INSM2: variants seen among roughly 807,000 people sequenced by gnomAD.
INSM2 encodes the protein insulinoma-associated protein 2.
INSM2 carries 12 observed loss-of-function variants against 30.5 expected under a neutral mutation model. The observed-to-expected ratio is 0.39, with a 90% CI of 0.25 to 0.64. The LOEUF is 0.64. INSM2 is among the 30% of genes least tolerant of loss of function. The pLI is 0.47. For missense variants in INSM2, 773 were observed against 819.2 expected (o/e 0.94, Z 0.69); for synonymous variants, 418 against 383.7 (o/e 1.09, Z -1.05).
At position 35,534,271 on chromosome 14, in the gene INSM2, G is replaced by C; in HGVS notation, c.19G>C (p.Val7Leu). 6.3e-7 allele frequency: 1 copy of C among 1,596,682 alleles called. No homozygotes were observed. Among genetic ancestry groups the C allele is most frequent in the Non-Finnish European group, 8.5e-7 (1 of 1,172,320 alleles). Residue 7 changes from valine to leucine, a missense_variant, in exon 1 of 1, where the codon GTG (valine) becomes CTG (leucine). Transcript: ENST00000307169. Reference sequence around the variant, plus strand: ...CTCCACCATGCCAAGGGGATTCCTGGTGAAGCGAACTAAACGGACAGGCGG... The same window carrying C: ...CTCCACCATGCCAAGGGGATTCCTGCTGAAGCGAACTAAACGGACAGGCGG... MPRGFL[V>L]KRTKRTGGLY... is the part of the protein sequence containing the mutation.
In INSM2 at chr14:35,535,671, A is replaced by G. The variant is rs754083126; in HGVS notation, c.1419A>G (p.Pro473=). The G allele has an allele frequency of 1.2e-6, 2 of 1,613,240 alleles. No homozygotes were observed. The highest frequency in any genetic ancestry group is 1.1e-5 in the South Asian group (1 of 91,084). The change falls in exon 1 of 1, where the codon CCA becomes CCG. Residue 473 remains proline, a synonymous_variant. Transcript: ENST00000307169. ...ERGAPLAFAC[P]LCGAHFPTAD... ...GTGCCCCACTTGCCTTCGCTTGCCC[A>G]TTGTGCGGAGCGCACTTCCCTACAG...
In INSM2 at chr14:35,534,930, C is replaced by A; in HGVS notation, c.678C>A (p.Ser226Arg). 1 of 1,592,200 alleles carries A rather than the reference C, an allele frequency of 6.3e-7. No homozygotes were observed. ...IKKPKAMRKL[S>R]FADEVTTSPV... is the part of the protein sequence containing the mutation. ...AGCCAAAGGCCATGAGGAAGTTGAG[C>A]TTTGCCGATGAGGTGACCACATCCC... Residue 226 changes from serine to arginine, a missense_variant, in exon 1 of 1, where the codon AGC becomes AGA. Physicochemically the swap from Ser to Arg is moderately radical, Grantham distance 110. Coordinates refer to ENST00000307169, the MANE Select transcript of INSM2 (RefSeq NM_032594.4).
rs2053596180 is a variant in INSM2, at chr14:35,535,917, G to A, written c.1665G>A (p.Val555=). 6.2e-7 allele frequency: 1 copy of A among 1,611,886 alleles called. No homozygotes were observed. Among genetic ancestry groups the A allele is most frequent in the Non-Finnish European group, 8.5e-7 (1 of 1,179,244 alleles). The change falls in exon 1 of 1, where the codon GTG becomes GTA. Residue 555 remains valine (V), a synonymous_variant. Coordinates refer to ENST00000307169, the MANE Select transcript of INSM2 (RefSeq NM_032594.4). The part of the protein sequence containing the change: ...NKCHPSESRQ[V]LLLQMPLRPG... ...GCCACCCCTCAGAAAGCCGGCAAGTGCTGCTGCTGCAGATGCCACTGCGGC... is the reference window on the plus strand; with the variant it reads ...GCCACCCCTCAGAAAGCCGGCAAGTACTGCTGCTGCAGATGCCACTGCGGC...
Position 35,535,164 on chromosome 14 carries a change from G to C in INSM2, c.912G>C (p.Ala304=). 1 of 1,612,644 alleles carries C rather than the reference G, an allele frequency of 6.2e-7. No homozygotes were observed. The highest frequency in any genetic ancestry group is 8.5e-7 in the Non-Finnish European group (1 of 1,179,736). Residue 304 remains alanine (A), a synonymous_variant, in exon 1 of 1, where the codon GCG becomes GCC. Transcript: ENST00000307169. ...GCGACAAGGTGTTCAGCTGTCCTGC[G>C]AACCTGGCCTCCCATCGCCGCTGGC... The part of the protein sequence containing the change: ...PECDKVFSCP[A]NLASHRRWHK...
At position 35,535,352 on chromosome 14, in the gene INSM2, C is replaced by T. The variant is rs2053589587; in HGVS notation, c.1100C>T (p.Pro367Leu). 6.2e-7 allele frequency: 1 copy of T among 1,610,558 alleles called. No individual in the cohort carries two copies. The highest frequency in any genetic ancestry group is 8.5e-7 in the Non-Finnish European group (1 of 1,178,502). Reference protein sequence around the residue: ...SRIERTADQHPQARDSSGADQ... With the variant: ...SRIERTADQHLQARDSSGADQ... ...ATAGAGCGGACTGCGGATCAGCACCCGCAGGCCAGGGACAGCTCCGGGGCG... is the reference window on the plus strand; with the variant it reads ...ATAGAGCGGACTGCGGATCAGCACCTGCAGGCCAGGGACAGCTCCGGGGCG... Residue 367 changes from proline (P) to leucine (L), a missense_variant, in exon 1 of 1, where the codon CCG becomes CTG. Pro to Leu is a moderately conservative substitution (Grantham distance 98, BLOSUM62 -3). Transcript: ENST00000307169.
rs1314900995 is a variant in INSM2 at position 35,534,942 on chromosome 14, G to A, written c.690G>A (p.Glu230=). 8 of 1,583,002 alleles carry A rather than the reference G, an allele frequency of 5.1e-6. No homozygotes were observed. Among genetic ancestry groups the A allele is most frequent in the South Asian group, 1.2e-5 (1 of 86,002 alleles). ...KAMRKLSFAD[E]VTTSPVLGLK... Reference sequence around the variant, plus strand: ...TGAGGAAGTTGAGCTTTGCCGATGAGGTGACCACATCCCCTGTCCTGGGCC... The same window carrying A: ...TGAGGAAGTTGAGCTTTGCCGATGAAGTGACCACATCCCCTGTCCTGGGCC... Residue 230 remains glutamate (E), a synonymous_variant, in exon 1 of 1, where the codon GAG becomes GAA. Transcript: ENST00000307169.
Position 35,535,925 on chromosome 14 carries a change from T to G in INSM2, c.1673T>G (p.Leu558Arg), listed in dbSNP as rs1448649166. The change falls in exon 1 of 1, where the codon CTG (leucine) becomes CGG (arginine). Residue 558 changes from leucine (L) to arginine (R), a missense_variant. Leu to Arg is a moderately radical substitution (Grantham distance 102). Transcript: ENST00000307169. ...HPSESRQVLL[L>R]QMPLRPGC ...TCAGAAAGCCGGCAAGTGCTGCTGC[T>G]GCAGATGCCACTGCGGCCTGGCTGC... The G allele has an allele frequency of 1.9e-6, 3 of 1,611,200 alleles. No homozygotes were observed. The highest frequency in any genetic ancestry group is 1.7e-4 in the Middle Eastern group (1 of 6,040).
At position 35,534,518 on chromosome 14, in the gene INSM2, G is replaced by A. The variant is rs1417483508; in HGVS notation, c.266G>A (p.Arg89Gln). 2.8e-6 allele frequency: 4 copies of A among 1,407,410 alleles called. No individual in the cohort carries two copies. 87.2% of individuals were successfully genotyped at this position (1,407,410 alleles called of 1,614,324 possible). Residue 89 changes from arginine (R) to glutamine (Q), a missense_variant, in exon 1 of 1, where the codon CGG (arginine) becomes CAG (glutamine). Arg to Gln is a conservative substitution (Grantham distance 43). Transcript: ENST00000307169. ...AAGVSPGTGGREGAEWRAGGR... is the reference protein window; with the variant it reads ...AAGVSPGTGGQEGAEWRAGGR... ...GGGGTGAGCCCGGGGACGGGCGGGC[G>A]GGAAGGCGCGGAGTGGCGGGCGGGT...
Position 35,534,420 on chromosome 14 carries a change from C to T in INSM2, c.168C>T (p.Thr56=). ...LPGAERATPP[T]REEPGKGLTA... The stretch of plus-strand genomic sequence containing the variant: ...GCGCGGAGCGGGCGACACCCCCCAC[C>T]CGAGAGGAACCAGGAAAGGGGTTGA... Residue 56 remains threonine (T), a synonymous_variant, in exon 1 of 1, where the codon ACC becomes ACT. Coordinates refer to ENST00000307169, the MANE Select transcript of INSM2 (RefSeq NM_032594.4). 6.7e-7 allele frequency: 1 copy of T among 1,498,496 alleles called. No homozygotes were observed. The highest frequency in any genetic ancestry group is 8.8e-7 in the Non-Finnish European group (1 of 1,131,302). The allele number at this position is 1,498,496 out of a possible 1,614,324, so 92.8% of individuals were successfully genotyped here.
rs562052303 is a variant in INSM2, at chr14:35,537,022, T to C, written c.*1069T>C. Reference sequence around the variant, plus strand: ...TGACAGAAAGCCCGTATTTGTAAGATGCTTACCACCAAATAAATGTACATA... The same window carrying C: ...TGACAGAAAGCCCGTATTTGTAAGACGCTTACCACCAAATAAATGTACATA... On this transcript the variant is annotated 3_prime_UTR_variant, in exon 1 of 1. Transcript: ENST00000307169. The C allele has an allele frequency of 7.8e-5, 13 of 166,958 alleles. No individual in the cohort carries two copies. The highest frequency in any genetic ancestry group is 1.9e-4 in the Non-Finnish European group (13 of 68,134). 10.3% of individuals were successfully genotyped at this position (166,958 alleles called of 1,614,324 possible).
Position 35,534,345 on chromosome 14 carries a change from C to T in INSM2, c.93C>T (p.Pro31=), listed in dbSNP as rs1206464147. The change falls in exon 1 of 1, where the codon CCC becomes CCT. Residue 31 remains proline (P), a synonymous_variant. Transcript: ENST00000307169. ...AGCGTGTCTTCCCTCTGCTGGGGCC[C>T]CAGGGGGCGCCGCCCTTCTTGGAGG... is the stretch of plus-strand genomic sequence containing the variant. The part of the protein sequence containing the change: ...LAERVFPLLG[P]QGAPPFLEEA... 3.3e-5 allele frequency: 52 copies of T among 1,580,118 alleles called. No homozygotes were observed. The highest frequency in any genetic ancestry group is 4.4e-5 in the Non-Finnish European group (51 of 1,165,518).
Position 35,535,336 on chromosome 14 carries a change from A to G in INSM2, c.1084A>G (p.Thr362Ala), listed in dbSNP as rs754769433. The G allele has an allele frequency of 1.2e-6, 2 of 1,610,670 alleles. No homozygotes were observed. Among genetic ancestry groups the G allele is most frequent in the South Asian group, 1.1e-5 (1 of 90,952 alleles). Residue 362 changes from threonine (T) to alanine (A), a missense_variant, in exon 1 of 1, where the codon ACT (threonine) becomes GCT (alanine). By Grantham distance (58) the Thr-to-Ala change is moderately conservative. Coordinates refer to ENST00000307169, the MANE Select transcript of INSM2 (RefSeq NM_032594.4). ...EGKENSRIER[T>A]ADQHPQARDS... Reference sequence around the variant, plus strand: ...AAAGGAGAACAGCCGAATAGAGCGGACTGCGGATCAGCACCCGCAGGCCAG... The same window carrying G: ...AAAGGAGAACAGCCGAATAGAGCGGGCTGCGGATCAGCACCCGCAGGCCAG...
At position 35,535,133 on chromosome 14, in the gene INSM2, C is replaced by T; in HGVS notation, c.881C>T (p.Pro294Leu). Residue 294 changes from proline to leucine, a missense_variant, in exon 1 of 1, where the codon CCT becomes CTT. Transcript: ENST00000307169. ...ATCGTGCGCGTAGAGTACCGCTGCC[C>T]TGAGTGCGACAAGGTGTTCAGCTGT... ...SRIVRVEYRCPECDKVFSCPA... is the reference protein window; with the variant it reads ...SRIVRVEYRCLECDKVFSCPA... 1 of 1,610,148 alleles carries T rather than the reference C, an allele frequency of 6.2e-7. No homozygotes were observed.
chr14:35,534,765 G>A lies in INSM2; in HGVS notation c.513G>A (p.Pro171=), dbSNP rs1243256291. The change falls in exon 1 of 1, where the codon CCG becomes CCA. Residue 171 remains proline, a synonymous_variant. Transcript: ENST00000307169. ...GEQFLLPLRA[P]FPEPALQPDP... is the part of the protein sequence containing the mutation. The stretch of plus-strand genomic sequence containing the variant: ...AGTTTCTGCTGCCGCTTCGGGCGCC[G>A]TTCCCAGAGCCCGCGCTTCAGCCGG... 1.4e-6 allele frequency: 2 copies of A among 1,411,022 alleles called. No homozygotes were observed. Among genetic ancestry groups the A allele is most frequent in the East Asian group, 3.0e-5 (1 of 33,778 alleles). The allele number at this position is 1,411,022 out of a possible 1,614,324, so 87.4% of individuals were successfully genotyped here.
rs2053597994 is a variant in INSM2, at chr14:35,536,151, A to G, written c.*198A>G. ...ATATCCCTCTCTAGAGCAGGTATGT[A>G]TATGGTATAAACCTTGAGATCAAAG... On this transcript the variant is annotated 3_prime_UTR_variant, in exon 1 of 1. Transcript: ENST00000307169. 1 of 619,952 alleles carries G rather than the reference A, an allele frequency of 1.6e-6. No homozygotes were observed. Among genetic ancestry groups the G allele is most frequent in the Non-Finnish European group, 2.8e-6 (1 of 354,352 alleles). The allele number at this position is 619,952 out of a possible 1,614,324, so 38.4% of individuals were successfully genotyped here.
In INSM2 at chr14:35,535,626, G is replaced by A. The variant is rs768261524; in HGVS notation, c.1374G>A (p.Pro458=). 4 of 1,613,128 alleles carry A rather than the reference G, an allele frequency of 2.5e-6. No individual in the cohort carries two copies. Among genetic ancestry groups the A allele is most frequent in the Admixed American group, 1.7e-5 (1 of 60,038 alleles). Reference sequence around the variant, plus strand: ...CGGGCTCGGCCCGTGCGCTAGCGCCGGGCTTTGGCTCCGAACGCGGTGCCC... The same window carrying A: ...CGGGCTCGGCCCGTGCGCTAGCGCCAGGCTTTGGCTCCGAACGCGGTGCCC... ...HEAGSARALA[P]GFGSERGAPL... Residue 458 remains proline, a synonymous_variant, in exon 1 of 1, where the codon CCG becomes CCA. Transcript: ENST00000307169.
In INSM2 at chr14:35,535,560, T is replaced by A; in HGVS notation, c.1308T>A (p.Arg436=). ...FVCPYCHKKF[R]RQAYLRKHLS... is the part of the protein sequence containing the mutation. ...GCCCATATTGCCACAAAAAGTTTCG[T>A]CGCCAAGCCTATCTGCGCAAGCACC... The change falls in exon 1 of 1, where the codon CGT becomes CGA. Residue 436 remains arginine, a synonymous_variant. Coordinates refer to ENST00000307169, the MANE Select transcript of INSM2 (RefSeq NM_032594.4). 1.9e-5 allele frequency: 31 copies of A among 1,613,206 alleles called. No homozygotes were observed. Among genetic ancestry groups the A allele is most frequent in the Non-Finnish European group, 2.6e-5 (31 of 1,179,956 alleles).
Position 35,535,740 on chromosome 14 carries a change from G to A in INSM2, c.1488G>A (p.Glu496=). 1 of 1,613,454 alleles carries A rather than the reference G, an allele frequency of 6.2e-7. No individual in the cohort carries two copies. Among genetic ancestry groups the A allele is most frequent in the Non-Finnish European group, 8.5e-7 (1 of 1,179,966 alleles). ...ACCGGCTGTGGCATGCTGTCCGCGA[G>A]GAGCTGCTCCTGCCCGCTCTGGCGG... ...EKHRLWHAVR[E]ELLLPALAGA... Residue 496 remains glutamate, a synonymous_variant, in exon 1 of 1, where the codon GAG becomes GAA. Coordinates refer to ENST00000307169, the MANE Select transcript of INSM2 (RefSeq NM_032594.4).
In INSM2 at chr14:35,535,292, C is replaced by T. The variant is rs2053588632; in HGVS notation, c.1040C>T (p.Ala347Val). 3 of 1,612,762 alleles carry T rather than the reference C, an allele frequency of 1.9e-6. No individual in the cohort carries two copies. The highest frequency in any genetic ancestry group is 2.5e-6 in the Non-Finnish European group (3 of 1,179,674). The change falls in exon 1 of 1, where the codon GCA becomes GTA. Residue 347 changes from alanine to valine, a missense_variant. Transcript: ENST00000307169. ...TCCTCCCGGGACTCCGGGGCCATTG[C>T]ATCTTTTCTGGCGGAGGGAAAGGAG... ...SSSSRDSGAI[A>V]SFLAEGKENS...
Sources: allele counts gnomAD v4.1 joint callset, GRCh38; gene constraint gnomAD v4.1.1; transcripts MANE v1.5; gene names NCBI Gene and HGNC (gene_info 2026-07-23, HGNC 2026-07-21).